The following PLCB4 variants were observed in gnomAD, a reference collection of about 807,000 sequenced individuals.
PLCB4 encodes phospholipase C beta 4.
A neutral mutation model predicts 178.8 loss-of-function variants in PLCB4; 77 were observed. That is an observed-to-expected ratio of 0.43 (90% CI 0.36 to 0.52). The LOEUF is 0.52. PLCB4 is among the 20% of genes least tolerant of loss of function. The pLI, the probability that PLCB4 is intolerant of heterozygous loss-of-function variation, is 0.00. For missense variants in PLCB4, 1,024 were observed against 1,453.4 expected, an observed-to-expected ratio of 0.70 and a Z score of 4.80; for synonymous variants, 496 against 490.8, an observed-to-expected ratio of 1.01 and a Z score of -0.14.
intron 4 of PLCB4, among the ~76,000 whole-genome samples, chr20:9,333,178 A>G (rs2031949199): frequency 6.6e-6 from 1 of 152,088 alleles, no homozygotes; most frequent in Admixed American, 6.6e-5. Context: ...TTTATTTTTA[A>G]GTTAATTTGT....
intron 2 of PLCB4, among the ~76,000 whole-genome samples, chr20:9,175,708 T>C (rs1257635219): frequency 6.6e-6 from 1 of 152,112 alleles, no homozygotes; most frequent in Non-Finnish European, 1.5e-5. Flanking sequence ...AAAAAAACTC[T>C]ACTCCCTCCC....
chr20:9,437,085 T>G lies in PLCB4; in HGVS notation c.2697T>G (p.Pro899=). Residue 899 remains proline, a synonymous_variant, in exon 30 of 40, where the codon CCT becomes CCG. Transcript: ENST00000378473. ...KANTAKANVT[P]QSSSELRPTT... ...ACACCGCCAAAGCAAATGTGACCCC[T>G]CAGAGTAGCTCTGAGCTCAGACCAA... 1 of 1,614,042 alleles carries G rather than the reference T, an allele frequency of 6.2e-7. No homozygotes were observed. Among genetic ancestry groups the G allele is most frequent in the Non-Finnish European group, 8.5e-7 (1 of 1,179,960 alleles).
At chr20:9,326,768 G>A (rs1045550304) in intron 4 of PLCB4, among the ~76,000 whole-genome samples, 2 of 152,084 alleles carry the variant, frequency 1.3e-5, no homozygotes, top group African/African-American at 4.8e-5. Flanking sequence ...AGTTGGAGCA[G>A]GAACAAACAG....
chr20:9,278,769 G>C (rs1053294109), intron 3 of PLCB4, among the ~76,000 whole-genome samples: 5 of 152,036 alleles, frequency 3.3e-5, no homozygotes, highest in African/African-American at 1.2e-4. Context: ...AGTACATGAT[G>C]GCAGCCGACA....
At chr20:9,377,508 C>T (rs1275256797) in intron 12 of PLCB4, among the ~76,000 whole-genome samples, 1 of 152,086 alleles carries the variant, frequency 6.6e-6, no homozygotes, top group Non-Finnish European at 1.5e-5. Context: ...CTTTGGATTA[C>T]CCAGATTGAT....
intron 2 of PLCB4, among the ~76,000 whole-genome samples, chr20:9,127,650 CTAT>C (rs2092152734): frequency 9.8e-6 from 1 of 101,812 alleles, no homozygotes; most frequent in Non-Finnish European, 2.3e-5. Context: ...ATCTATCTAT[CTAT>C]CTATCTATCT....
At chr20:9,444,329 C>G in intron 32 of PLCB4, 86 bp downstream of exon 32, 1 of 780,714 alleles carries the variant, frequency 1.3e-6, no homozygotes, top group Non-Finnish European at 2.2e-6. Context: ...TGATACCAGA[C>G]CACTTAACAG....
intron 2 of PLCB4, among the ~76,000 whole-genome samples, chr20:9,161,440 G>T (rs919521285): frequency 2.6e-5 from 4 of 152,132 alleles, no homozygotes; most frequent in Non-Finnish European, 5.9e-5. Flanking sequence ...AAATCAAATC[G>T]CTCTGATGCC....
chr20:9,160,722 C>T (rs956034174), intron 2 of PLCB4, among the ~76,000 whole-genome samples: 1 of 152,058 alleles, frequency 6.6e-6, no homozygotes, highest in African/African-American at 2.4e-5. Context: ...TTCTGTGTAT[C>T]TTTGTGAGAA....
intron 9 of PLCB4, among the ~76,000 whole-genome samples, chr20:9,365,779 A>T (rs932110081): frequency 2.0e-5 from 3 of 152,224 alleles, no homozygotes; most frequent in African/African-American, 7.2e-5. Context: ...ACTATTTTTT[A>T]AAATCGGCAA....
At chr20:9,075,934 A>C (rs1427814536) in intron 1 of PLCB4, among the ~76,000 whole-genome samples, 1 of 152,222 alleles carries the variant, frequency 6.6e-6, no homozygotes, top group African/African-American at 2.4e-5. Flanking sequence ...AAGTGCTTGG[A>C]AACACCGTGT....
intron 4 of PLCB4, among the ~76,000 whole-genome samples, chr20:9,316,113 T>G (rs916693363): frequency 5.3e-5 from 8 of 152,114 alleles, no homozygotes; most frequent in African/African-American, 1.9e-4. Context: ...AGGAGAATTC[T>G]GAGAAGCAGG....
At chr20:9,218,357 G>A (rs2093757082) in intron 3 of PLCB4, among the ~76,000 whole-genome samples, 1 of 152,094 alleles carries the variant, frequency 6.6e-6, no homozygotes, top group Admixed American at 6.5e-5. Context: ...TGCCCACCTC[G>A]GCCTCCCAAA....
chr20:9,468,749 A>G, intron 36 of PLCB4, 77 bp downstream of exon 36: 3 of 774,762 alleles, frequency 3.9e-6, no homozygotes, highest in East Asian at 5.0e-5. Context: ...ATGTGTGTAC[A>G]CACACACACA....
rs143810204 is a variant in PLCB4 at position 9,306,358 on chromosome 20, C to G, written c.-15-1442C>G. Among the ~76,000 whole-genome samples the G allele has an allele frequency of 1.8e-4, 28 of 151,742 alleles. No individual in the cohort carries two copies. The East Asian group carries it at 5.4e-3, about 29-fold the overall frequency. On this transcript the variant is annotated intron_variant, in intron 3 of 39. Transcript: ENST00000378473. Reference sequence around the variant, plus strand: ...CTGACCTCAGGTGATCCACCCCCTCCCCCCACCCCGGCCTCTCAAAATGCT... The same window carrying G: ...CTGACCTCAGGTGATCCACCCCCTCGCCCCACCCCGGCCTCTCAAAATGCT...
intron 24 of PLCB4, among the ~76,000 whole-genome samples, 167 bp downstream of exon 24, chr20:9,409,348 C>A (rs1295719915): frequency 4.0e-5 from 6 of 150,360 alleles, no homozygotes; most frequent in Admixed American, 4.0e-4. Context: ...AAAAAAAAAC[C>A]AAAATAGAGC....
chr20:9,213,360 G>C (rs1269948565), intron 2 of PLCB4, among the ~76,000 whole-genome samples: 1 of 140,916 alleles, frequency 7.1e-6, no homozygotes, highest in Non-Finnish European at 1.5e-5. Context: ...GGCTAGGCTG[G>C]TCTTGAACTC....
At chr20:9,164,401 G>A (rs957330359) in intron 2 of PLCB4, among the ~76,000 whole-genome samples, 2 of 151,922 alleles carry the variant, frequency 1.3e-5, no homozygotes, top group Non-Finnish European at 2.9e-5. Flanking sequence ...TGGGGCTCAG[G>A]GAAATTAAGT....
At chr20:9,070,223 G>A (rs2089497732) in intron 1 of PLCB4, among the ~76,000 whole-genome samples, 1 of 152,318 alleles carries the variant, frequency 6.6e-6, no homozygotes, top group East Asian at 1.9e-4. Context: ...ACCAGGAAAA[G>A]CAACTGGTGA....
Sources: allele counts gnomAD v4.1 joint callset (sites outside exome capture counted in the v4.1 genomes callset), GRCh38; gene constraint gnomAD v4.1.1; transcripts MANE v1.5; gene names NCBI Gene and HGNC (gene_info 2026-07-23, HGNC 2026-07-21).